CNBD1: variants seen among roughly 807,000 people sequenced by gnomAD.
The protein encoded by CNBD1 is cyclic nucleotide-binding domain-containing protein 1.
Under a neutral mutation model 54.4 loss-of-function variants are expected in CNBD1, and 71 were observed. That is an observed-to-expected ratio of 1.30 (90% CI 1.08 to 1.59). CNBD1 has a LOEUF of 1.59. Ranked by LOEUF, CNBD1 falls within the 40% of genes most tolerant of loss-of-function variation. The pLI is 0.00. For synonymous variants in CNBD1, 182 were observed against 170.7 expected (o/e 1.07, Z -0.51); for missense variants, 659 against 518.0 (o/e 1.27, Z -2.64).
At chr8:87,141,649 C>A (rs1361227836) in intron 4 of CNBD1, among the ~76,000 whole-genome samples, 1 of 151,498 alleles carries the variant, frequency 6.6e-6, no homozygotes, top group Non-Finnish European at 1.5e-5. Context: ...AACAATAACT[C>A]CAAAGGGTGA....
chr8:86,918,036 C>CAATACCACT (rs929746745), intron 3 of CNBD1, among the ~76,000 whole-genome samples: 8 of 152,196 alleles, frequency 5.3e-5, no homozygotes, highest in African/African-American at 1.9e-4. Flanking sequence ...AGTAAATTTT[C>CAATACCACT]AATACCACTA....
At chr8:87,192,153 G>A (rs1360467621) in intron 4 of CNBD1, among the ~76,000 whole-genome samples, 2 of 152,082 alleles carry the variant, frequency 1.3e-5, no homozygotes, top group African/African-American at 4.8e-5. Context: ...AGAAAAATAA[G>A]TAGAATGGAG....
chr8:86,983,859 C>T (rs941330446), intron 4 of CNBD1, among the ~76,000 whole-genome samples: 4 of 152,112 alleles, frequency 2.6e-5, no homozygotes, highest in African/African-American at 9.7e-5. Flanking sequence ...TGCAGCCTGA[C>T]AATTTGATAG....
chr8:87,347,794 G>A (rs1324905799), intron 8 of CNBD1, among the ~76,000 whole-genome samples: 1 of 152,040 alleles, frequency 6.6e-6, no homozygotes, highest in Admixed American at 6.6e-5. Context: ...GGGAGAAAGG[G>A]GTAAATGTGG....
chr8:87,343,521 CA>C (rs1319329820), intron 8 of CNBD1, among the ~76,000 whole-genome samples: 1 of 152,118 alleles, frequency 6.6e-6, no homozygotes, highest in African/African-American at 2.4e-5. Context: ...CTTCCCGCAA[CA>C]AAAAACAGAT....
At chr8:86,894,362 A>G (rs1056533179) in intron 2 of CNBD1, among the ~76,000 whole-genome samples, 8 of 152,000 alleles carry the variant, frequency 5.3e-5, no homozygotes, top group East Asian at 1.9e-4. Context: ...CGCCCGGCCA[A>G]TAGATTAATT....
intron 2 of CNBD1, among the ~76,000 whole-genome samples, chr8:87,392,268 TA>T (rs1224473620): frequency 6.6e-6 from 1 of 152,014 alleles, no homozygotes; most frequent in Non-Finnish European, 1.5e-5. Flanking sequence ...GTTCAACATA[TA>T]TTTACTATAT....
chr8:87,020,505 G>T (rs928557783), intron 4 of CNBD1, among the ~76,000 whole-genome samples: 3 of 151,938 alleles, frequency 2.0e-5, no homozygotes, highest in African/African-American at 4.8e-5. Flanking sequence ...CAAGAGTGGG[G>T]ACTAAGGACT....
chr8:87,334,722 T>G (rs899104631), intron 8 of CNBD1, among the ~76,000 whole-genome samples: 7 of 126,532 alleles, frequency 5.5e-5, no homozygotes, highest in Non-Finnish European at 1.1e-4. Flanking sequence ...CTTTTTTCTT[T>G]TCTTTTTTTT....
At chr8:86,957,118 G>C (rs1033578270) in intron 4 of CNBD1, among the ~76,000 whole-genome samples, 2 of 152,164 alleles carry the variant, frequency 1.3e-5, no homozygotes, top group African/African-American at 2.4e-5. Flanking sequence ...CTGTTTATAT[G>C]ATGGATTACG....
intron 3 of CNBD1, among the ~76,000 whole-genome samples, chr8:86,938,941 A>T (rs1427615866): frequency 1.3e-5 from 2 of 152,216 alleles, no homozygotes. Context: ...TATTATCAAG[A>T]TGTAATCCAG....
At chr8:87,297,940 A>G (rs1808911111) in intron 8 of CNBD1, among the ~76,000 whole-genome samples, 1 of 151,542 alleles carries the variant, frequency 6.6e-6, no homozygotes. Flanking sequence ...TATATTCTAT[A>G]TATTCTCCCT....
At position 87,390,061 on chromosome 8, in the gene CNBD1, C is replaced by A. The variant is rs78739633; in HGVS notation, c.213+36275C>A. 3.7e-3 allele frequency among the ~76,000 whole-genome samples: 549 copies of A among 149,588 alleles called. 9 individuals carry two copies. The highest frequency in any genetic ancestry group is 0.013 in the African/African-American group (516 of 40,432). On this transcript the variant is annotated intron_variant, in intron 2 of 7. Coordinates refer to the CNBD1 transcript ENST00000521593. ...GCTAGCCATATGTAGAAAGCTGAAA[C>A]TGGATCCCTTCCTTACACCTTATAC...
chr8:87,329,672 A>G (rs1403734359), intron 8 of CNBD1, among the ~76,000 whole-genome samples: 2 of 152,070 alleles, frequency 1.3e-5, no homozygotes, highest in Non-Finnish European at 2.9e-5. Context: ...ATTAAATAAT[A>G]TTATGTTTTT....
At chr8:87,394,434 A>G (rs910413462) in intron 2 of CNBD1, among the ~76,000 whole-genome samples, 5 of 151,812 alleles carry the variant, frequency 3.3e-5, no homozygotes, top group Non-Finnish European at 7.4e-5. Context: ...TTCTATTTTT[A>G]TCTTGTTTGT....
intron 6 of CNBD1, among the ~76,000 whole-genome samples, chr8:87,248,762 C>G (rs964373284): frequency 6.6e-6 from 1 of 152,142 alleles, no homozygotes; most frequent in African/African-American, 2.4e-5. Flanking sequence ...GTCTTTCCCC[C>G]TTTTCAAAGA....
intron 6 of CNBD1, among the ~76,000 whole-genome samples, chr8:87,261,787 T>A (rs757762299): frequency 1.3e-5 from 2 of 152,078 alleles, no homozygotes; most frequent in East Asian, 3.9e-4. Context: ...TCAAATATAG[T>A]AGTACAGAGT....
intron 8 of CNBD1, among the ~76,000 whole-genome samples, chr8:87,349,226 T>G (rs1300450654): frequency 6.6e-6 from 1 of 152,204 alleles, no homozygotes; most frequent in Non-Finnish European, 1.5e-5. Context: ...AACATTTATC[T>G]TGACAGCATA....
chr8:86,940,310 G>C (rs896118212), intron 4 of CNBD1, among the ~76,000 whole-genome samples: 1 of 151,880 alleles, frequency 6.6e-6, no homozygotes, highest in South Asian at 2.1e-4. Context: ...GGGATTACAG[G>C]CACCTGCCAC....
Sources: gnomAD v4.1 joint callset for allele counts (sites outside exome capture counted in the v4.1 genomes callset) on GRCh38, gnomAD v4.1.1 for gene constraint, MANE v1.5 for transcripts, NCBI Gene and HGNC (gene_info 2026-07-23, HGNC 2026-07-21) for gene names.